Variants in CREBBP observed in about 807,000 individuals in gnomAD.
CREBBP encodes CREB-binding protein.
In CREBBP, 19 loss-of-function variants were observed where a neutral mutation model predicts 265.0. That is an observed-to-expected ratio of 0.07 (90% CI 0.05 to 0.11). The LOEUF (loss-of-function observed/expected upper bound fraction) is 0.11, where lower values mean the gene tolerates loss of function less well. CREBBP is among the 10% of genes least tolerant of loss of function. The pLI, the probability that CREBBP is intolerant of heterozygous loss-of-function variation, is 1.00. For synonymous variants in CREBBP, 1,457 were observed against 1,223.7 expected (o/e 1.19, Z -3.98); for missense variants, 2,525 against 3,219.0 (o/e 0.78, Z 5.22).
intron 11 of CREBBP, among the ~76,000 whole-genome samples, chr16:3,775,928 T>G (rs1272469194): frequency 6.6e-6 from 1 of 151,978 alleles, no homozygotes; most frequent in African/African-American, 2.4e-5. Context: ...TTTCTTTTTT[T>G]TTTTTGAGAT....
At position 3,778,201 on chromosome 16, in the gene CREBBP, C is replaced by A. The variant is rs2141235017; in HGVS notation, c.1942-19G>T. 1 of 1,562,250 alleles carries A rather than the reference C, an allele frequency of 6.4e-7. No homozygotes were observed. Among genetic ancestry groups the A allele is most frequent in the South Asian group, 1.1e-5 (1 of 89,888 alleles). Reference sequence around the variant, plus strand: ...ATTCATCCTAAAAAGCAATAATATTCAATATGAAACAGTTAAAACTGTAAA... The same window carrying A: ...ATTCATCCTAAAAAGCAATAATATTAAATATGAAACAGTTAAAACTGTAAA... On this transcript the variant is annotated intron_variant, in intron 9 of 30. Transcript: ENST00000262367.
At chr16:3,754,481 G>T (rs1176959065) in intron 19 of CREBBP, among the ~76,000 whole-genome samples, 1 of 152,208 alleles carries the variant, frequency 6.6e-6, no homozygotes, top group Non-Finnish European at 1.5e-5. Flanking sequence ...GATGAATATG[G>T]AATTGCAAAG....
In CREBBP at chr16:3,853,226, A is replaced by C. The variant is rs557255207; in HGVS notation, c.86-2217T>G. Among the ~76,000 whole-genome samples the C allele has an allele frequency of 2.6e-5, 4 of 152,330 alleles. No individual in the cohort carries two copies. In the South Asian group the frequency reaches 8.3e-4, roughly 32 times the overall value. On this transcript the variant is annotated intron_variant, in intron 1 of 30. Transcript: ENST00000262367. ...GTAAGTGTAAAACACGACTGAGAACAAACAGTGCCTATGGGTGGTAAATGC... is the reference window on the plus strand; with the variant it reads ...GTAAGTGTAAAACACGACTGAGAACCAACAGTGCCTATGGGTGGTAAATGC...
In CREBBP at chr16:3,731,216, C is replaced by G. The variant is rs376575063; in HGVS notation, c.5148G>C (p.Thr1716=). 44 of 1,613,694 alleles carry G rather than the reference C, an allele frequency of 2.7e-5. No homozygotes were observed. Among genetic ancestry groups the G allele is most frequent in the Non-Finnish European group, 3.6e-5 (43 of 1,179,938 alleles). Residue 1716 remains threonine (T), a synonymous_variant, in exon 30 of 31, where the codon ACG becomes ACC. Coordinates refer to ENST00000262367, the MANE Select transcript of CREBBP (RefSeq NM_004380.3). This position sits in a 1 kb window ranked among gnomAD's most constrained non-coding sequence, Gnocchi z 7.7. ...TCNECKHHVE[T]RWHCTVCEDY... ...CCTCGCACACAGTGCAGTGCCAGCG[C>G]GTCTCCACGTGGTGCTTGCACTCGT...
chr16:3,874,967 T>C (rs752252080), intron 1 of CREBBP, among the ~76,000 whole-genome samples: 16 of 152,230 alleles, frequency 1.1e-4, no homozygotes, highest in South Asian at 4.1e-4. Context: ...AGACACACTT[T>C]GGCAAAATCA....
In CREBBP at chr16:3,731,699, G is replaced by C. The variant is rs946250627; in HGVS notation, c.4890+77C>G. Reference sequence around the variant, plus strand: ...CCCTCCCACCACAGACCTGCACACGGGCCCACGCCCGCCAGCTGCGAGTCT... The same window carrying C: ...CCCTCCCACCACAGACCTGCACACGCGCCCACGCCCGCCAGCTGCGAGTCT... On this transcript the variant is annotated intron_variant, in intron 29 of 30. Coordinates refer to ENST00000262367, the MANE Select transcript of CREBBP (RefSeq NM_004380.3). The surrounding 1 kb of genome is among the most constrained non-coding windows in gnomAD (Gnocchi z 7.7). The C allele has an allele frequency of 6.3e-7, 1 of 1,598,002 alleles. No homozygotes were observed.
chr16:3,875,938 T>C (rs1171519608), intron 1 of CREBBP, among the ~76,000 whole-genome samples: 1 of 152,192 alleles, frequency 6.6e-6, no homozygotes, highest in South Asian at 2.1e-4. Context: ...CTATTGCATT[T>C]AAAAGGATTC....
At chr16:3,810,500 T>C (rs1202900796) in intron 3 of CREBBP, 103 bp downstream of exon 3, 5 of 1,377,408 alleles carry the variant, frequency 3.6e-6, no homozygotes, top group African/African-American at 2.9e-5. Context: ...TATCACCTAC[T>C]GACACACTTT....
At chr16:3,730,469 C>A (rs1035883746) in intron 30 of CREBBP, 1 of 158,694 alleles carries the variant, frequency 6.3e-6, no homozygotes, top group Non-Finnish European at 1.4e-5. Flanking sequence ...GAAAACTGCT[C>A]GCACCTGGCA....
At chr16:3,794,050 G>A (rs924211077) in intron 3 of CREBBP, among the ~76,000 whole-genome samples, 13 of 149,944 alleles carry the variant, frequency 8.7e-5, no homozygotes, top group Admixed American at 8.6e-4. Context: ...AGGCCTGGCC[G>A]AGCGCGTTGG....
At chr16:3,860,194 G>A (rs1261573593) in intron 1 of CREBBP, among the ~76,000 whole-genome samples, 1 of 152,048 alleles carries the variant, frequency 6.6e-6, no homozygotes, top group Admixed American at 6.6e-5. Context: ...ACTGAGTATA[G>A]GAATAAAGGA....
In CREBBP at chr16:3,778,835, C is replaced by CT. The variant is rs1393882471; in HGVS notation, c.1824-19dup. The CT allele has an allele frequency of 1.9e-6, 3 of 1,603,596 alleles. No individual in the cohort carries two copies. Among genetic ancestry groups the CT allele is most frequent in the Non-Finnish European group, 2.6e-6 (3 of 1,170,952 alleles). ...CTTGGACGCTGAAAGGATAACACATCTATCAAACTACTTTTTTTTTTCTTC... is the reference window on the plus strand; with the variant it reads ...CTTGGACGCTGAAAGGATAACACATCTTATCAAACTACTTTTTTTTTTCTTC... On this transcript the variant is annotated intron_variant, in intron 8 of 30. Transcript: ENST00000262367.
Position 3,728,383 on chromosome 16 carries a change from C to A in CREBBP, c.6664G>T (p.Ala2222Ser), listed in dbSNP as rs1596782515. The A allele has an allele frequency of 6.2e-7, 1 of 1,613,612 alleles. No individual in the cohort carries two copies. The highest frequency in any genetic ancestry group is 1.3e-5 in the African/African-American group (1 of 75,028). ...QQQQQGSAGM[A>S]GGMAGHGQFQ... ...TGGCCGTGCCCCGCCATGCCCCCAG[C>A]CATGCCGGCACTCCCTTGCTGCTGC... Residue 2222 changes from alanine to serine, a missense_variant, in exon 31 of 31, where the codon GCT becomes TCT. Transcript: ENST00000262367. This position sits in a 1 kb window ranked among gnomAD's most constrained non-coding sequence, Gnocchi z 8.7.
chr16:3,838,007 C>T (rs1390553294), intron 2 of CREBBP, among the ~76,000 whole-genome samples: 1 of 152,076 alleles, frequency 6.6e-6, no homozygotes. Flanking sequence ...ACACACCCGC[C>T]CACCCCTGCC....
At chr16:3,773,951 C>A (rs1337273623) in intron 12 of CREBBP, 21 bp from the exon 13 acceptor site, 1 of 1,611,888 alleles carries the variant, frequency 6.2e-7, no homozygotes, top group Non-Finnish European at 8.5e-7. Flanking sequence ...ACAAGCACCA[C>A]CAGAGCTGTA....
At chr16:3,830,674 A>T (rs1050960283) in intron 2 of CREBBP, among the ~76,000 whole-genome samples, 1 of 152,240 alleles carries the variant, frequency 6.6e-6, no homozygotes, top group African/African-American at 2.4e-5. Context: ...AGATTTTAAT[A>T]ATCCTCTCTT....
chr16:3,746,008 G>C (rs183780144), intron 21 of CREBBP, among the ~76,000 whole-genome samples: 1 of 152,142 alleles, frequency 6.6e-6, no homozygotes, highest in Admixed American at 6.5e-5. Context: ...CCACAACCAC[G>C]GCCCACCAGG....
intron 2 of CREBBP, among the ~76,000 whole-genome samples, chr16:3,845,189 C>T (rs2054640887): frequency 6.6e-6 from 1 of 152,172 alleles, no homozygotes. Context: ...ACCATATCCC[C>T]CAGATTCTAA....
At chr16:3,836,993 C>T (rs775900140) in intron 2 of CREBBP, among the ~76,000 whole-genome samples, 35 of 152,000 alleles carry the variant, frequency 2.3e-4, no homozygotes, top group Admixed American at 5.2e-4. Flanking sequence ...ACATAATAGC[C>T]GATAATGATA....
Sources: gnomAD v4.1 joint callset for allele counts (sites outside exome capture counted in the v4.1 genomes callset) on GRCh38, gnomAD v4.1.1 for gene constraint, Gnocchi (gnomAD v3.1) non-coding constraint, MANE v1.5 for transcripts, NCBI Gene and HGNC (gene_info 2026-07-23, HGNC 2026-07-21) for gene names.